Variants in OR9Q1 observed in about 807,000 individuals in gnomAD.
OR9Q1 encodes the protein olfactory receptor 9Q1.
For synonymous variants in OR9Q1, 153 were observed against 148.6 expected (o/e 1.03, Z -0.22); for missense variants, 374 against 378.8 (o/e 0.99, Z 0.11).
intron 2 of OR9Q1, among the ~76,000 whole-genome samples, chr11:58,136,322 C>T (rs1001577220): frequency 4.6e-5 from 7 of 152,100 alleles, no homozygotes; most frequent in Admixed American, 2.6e-4. Context: ...TTCATGATGG[C>T]GTTAAGGATG....
At chr11:58,107,721 C>T (rs1054471579) in intron 2 of OR9Q1, among the ~76,000 whole-genome samples, 1 of 151,006 alleles carries the variant, frequency 6.6e-6, no homozygotes. Context: ...AGTTTACACT[C>T]GAATGTGGGA....
chr11:58,159,454 T>TA (rs71061579), intron 2 of OR9Q1, among the ~76,000 whole-genome samples: 37,154 of 147,234 alleles, frequency 0.25, 5,671 homozygotes, highest in East Asian at 0.62. Context: ...TTACAGAAGT[T>TA]AAAAAAAAAA....
In OR9Q1 at chr11:58,179,436, A is replaced by G; in HGVS notation, c.-9A>G. The stretch of plus-strand genomic sequence containing the variant: ...TCCCATTCTACATGTCTCAGGGACC[A>G]CTGGTGTCATGGCAGAGATGAACCT... On this transcript the variant is annotated 5_prime_UTR_variant, in exon 3 of 3. Transcript: ENST00000335397. 1 of 1,543,838 alleles carries G rather than the reference A, an allele frequency of 6.5e-7. No homozygotes were observed.
chr11:58,028,602 G>T (rs757075559), intron 1 of OR9Q1, among the ~76,000 whole-genome samples: 5 of 152,126 alleles, frequency 3.3e-5, no homozygotes, highest in Non-Finnish European at 7.4e-5. Flanking sequence ...TATCTCCACT[G>T]GGAAGGGTGA....
chr11:58,123,987 TAATAA>T (rs1240490006), intron 2 of OR9Q1, among the ~76,000 whole-genome samples: 9 of 152,204 alleles, frequency 5.9e-5, no homozygotes, highest in African/African-American at 1.2e-4. Context: ...ATTTTTTCAA[TAATAA>T]AATGAGAATA....
chr11:58,143,912 G>A (rs1854274553), intron 2 of OR9Q1, among the ~76,000 whole-genome samples: 1 of 152,030 alleles, frequency 6.6e-6, no homozygotes, highest in Admixed American at 6.6e-5. Flanking sequence ...GATTTCTGAA[G>A]GATCAAGTAA....
At chr11:58,150,559 G>GTTA (rs1419910879) in intron 2 of OR9Q1, among the ~76,000 whole-genome samples, 7 of 152,166 alleles carry the variant, frequency 4.6e-5, no homozygotes, top group Non-Finnish European at 2.9e-5. Flanking sequence ...GTTCCATGAG[G>GTTA]TTATAATGGA....
intron 1 of OR9Q1, among the ~76,000 whole-genome samples, chr11:58,029,843 C>CTT (rs58928895): frequency 0.04 from 5,556 of 139,094 alleles, 150 homozygotes; most frequent in East Asian, 0.063. Flanking sequence ...CTGCCTCCTC[C>CTT]TTTTTTTTTT....
At chr11:58,039,573 T>C (rs1316980884) in intron 1 of OR9Q1, among the ~76,000 whole-genome samples, 1 of 152,220 alleles carries the variant, frequency 6.6e-6, no homozygotes, top group African/African-American at 2.4e-5. Context: ...CACACTCTCA[T>C]GGAAGTGGAG....
At chr11:58,141,775 G>A (rs995747001) in intron 2 of OR9Q1, among the ~76,000 whole-genome samples, 1 of 152,150 alleles carries the variant, frequency 6.6e-6, no homozygotes, top group Non-Finnish European at 1.5e-5. Context: ...AACAAACTCT[G>A]TCTTCTGTGC....
At chr11:58,084,824 C>G (rs923857659) in intron 2 of OR9Q1, among the ~76,000 whole-genome samples, 1 of 151,832 alleles carries the variant, frequency 6.6e-6, no homozygotes, top group Non-Finnish European at 1.5e-5. Flanking sequence ...AACAAACCCA[C>G]AGCCAACATC....
chr11:58,156,159 C>T (rs1164838865), intron 2 of OR9Q1, among the ~76,000 whole-genome samples: 3 of 152,210 alleles, frequency 2.0e-5, no homozygotes, highest in South Asian at 4.1e-4. Context: ...GTGATCCACC[C>T]GCCTCGGCCT....
At chr11:58,056,936 A>T (rs1296034334) in intron 2 of OR9Q1, among the ~76,000 whole-genome samples, 1 of 151,570 alleles carries the variant, frequency 6.6e-6, no homozygotes, top group Non-Finnish European at 1.5e-5. Context: ...CACTGTAAAA[A>T]TTACTGATCT....
chr11:58,068,210 T>C (rs1013523399), intron 2 of OR9Q1, among the ~76,000 whole-genome samples: 2 of 150,208 alleles, frequency 1.3e-5, no homozygotes, highest in Non-Finnish European at 3.0e-5. Flanking sequence ...TAGCTGGACA[T>C]GATGGTAGGT....
At chr11:58,062,306 T>A (rs1445107033) in intron 2 of OR9Q1, among the ~76,000 whole-genome samples, 2 of 152,124 alleles carry the variant, frequency 1.3e-5, no homozygotes, top group Non-Finnish European at 2.9e-5. Context: ...GGCTGAGACA[T>A]CCTCTCCCTT....
intron 2 of OR9Q1, chr11:58,124,783 G>T (rs929415322): frequency 6.6e-6 from 1 of 152,206 alleles, no homozygotes; most frequent in Non-Finnish European, 1.5e-5. Flanking sequence ...TGACCCCAGA[G>T]TTGGAGTGTT....
At chr11:58,056,779 T>C (rs1241142961) in intron 2 of OR9Q1, among the ~76,000 whole-genome samples, 1 of 152,100 alleles carries the variant, frequency 6.6e-6, no homozygotes, top group Non-Finnish European at 1.5e-5. Context: ...CACTAATATA[T>C]TAGGCAGAGA....
chr11:58,130,826 TC>T (rs1854134095), intron 2 of OR9Q1, among the ~76,000 whole-genome samples: 1 of 151,616 alleles, frequency 6.6e-6, no homozygotes, highest in Non-Finnish European at 1.5e-5. Flanking sequence ...AATGCCCTTT[TC>T]CCCCATTGTT....
intron 2 of OR9Q1, among the ~76,000 whole-genome samples, chr11:58,128,139 C>G (rs577890167): frequency 6.6e-6 from 1 of 150,658 alleles, no homozygotes; most frequent in Non-Finnish European, 1.5e-5. Context: ...AAGGGTATCA[C>G]TTTCATAATC....
Sources: allele counts gnomAD v4.1 joint callset (sites outside exome capture counted in the v4.1 genomes callset), GRCh38; gene constraint gnomAD v4.1.1; transcripts MANE v1.5; gene names NCBI Gene and HGNC (gene_info 2026-07-23, HGNC 2026-07-21).